COL6A6: variants seen among roughly 807,000 people sequenced by gnomAD.
The protein encoded by COL6A6 is collagen type VI alpha 6 chain.
COL6A6 carries 183 observed loss-of-function variants against 208.6 expected under a neutral mutation model. The ratio of observed to expected loss-of-function variants is 0.88; its 90% CI spans 0.78 to 0.99. COL6A6 has a LOEUF of 0.99. Among genes scored for constraint, COL6A6 ranks in the 50% least tolerant of loss-of-function variants. COL6A6 has a pLI of 0.00. For synonymous variants in COL6A6, 973 were observed against 1,011.8 expected, an observed-to-expected ratio of 0.96 and a Z score of 0.73; for missense variants, 2,816 against 2,815.2, an observed-to-expected ratio of 1.00 and a Z score of -0.01.
chr3:130,593,108 A>G lies in COL6A6; in HGVS notation c.4416+3A>G, dbSNP rs750268868. ...TTGACGGATTAAACGGAGAACAGGTAGAGCCTTCTTGTACCATAGAGACCC... is the reference window on the plus strand; with the variant it reads ...TTGACGGATTAAACGGAGAACAGGTGGAGCCTTCTTGTACCATAGAGACCC... On this transcript the variant is annotated splice_donor_region_variant and intron_variant, in intron 16 of 36. Transcript: ENST00000358511. The G allele has an allele frequency of 6.2e-7, 1 of 1,613,524 alleles. No individual in the cohort carries two copies.
intron 1 of COL6A6, among the ~76,000 whole-genome samples, chr3:130,522,718 C>T (rs763301586): frequency 1.4e-4 from 21 of 152,076 alleles, no homozygotes; most frequent in Non-Finnish European, 2.5e-4. Context: ...ACCCAGTGGC[C>T]CCATCAGAAA....
intron 36 of COL6A6, among the ~76,000 whole-genome samples, chr3:130,672,062 A>T (rs866038532): frequency 1.3e-4 from 20 of 152,240 alleles, no homozygotes; most frequent in Admixed American, 6.5e-5. Flanking sequence ...TGGGCACACC[A>T]AATGTAAAAG....
At chr3:130,606,898 A>T (rs758012166) in intron 20 of COL6A6, 33 bp from the exon 21 acceptor site, 3 of 1,586,096 alleles carry the variant, frequency 1.9e-6, no homozygotes, top group Non-Finnish European at 2.6e-6. Context: ...ATTTTTTCTG[A>T]ATTAATGATA....
chr3:130,542,330 AT>A (rs2062388643), intron 1 of COL6A6, among the ~76,000 whole-genome samples: 1 of 150,542 alleles, frequency 6.6e-6, no homozygotes, highest in South Asian at 2.1e-4. Flanking sequence ...GTGTTTTGGT[AT>A]TTTTCCAGCT....
At chr3:130,562,187 CAGTT>C (rs905717312) in intron 2 of COL6A6, among the ~76,000 whole-genome samples, 9 of 152,278 alleles carry the variant, frequency 5.9e-5, no homozygotes, top group Middle Eastern at 3.4e-3. Context: ...TACTAAACAA[CAGTT>C]AGTGTTTGAA....
rs1211899945 is a variant in COL6A6 at position 130,603,890 on chromosome 3, C to T, written c.4654-3041C>T. On this transcript the variant is annotated intron_variant, in intron 20 of 36. Transcript: ENST00000358511. The stretch of plus-strand genomic sequence containing the variant: ...CCCTGTAAACAACCAGAAAGCCAGG[C>T]TTTGGGGGAATGAAGGACTGAGTAC... Among the ~76,000 whole-genome samples, 4 of 152,114 alleles carry T rather than the reference C, an allele frequency of 2.6e-5. No individual in the cohort carries two copies. In the South Asian group the frequency reaches 6.2e-4, roughly 24 times the overall value.
chr3:130,628,405 CATTT>C (rs1269402976), intron 26 of COL6A6, among the ~76,000 whole-genome samples: 7 of 152,070 alleles, frequency 4.6e-5, no homozygotes, highest in Admixed American at 2.0e-4. Flanking sequence ...CTCAGAAAAA[CATTT>C]ATCCCAATTG....
rs2063037072 is a variant in COL6A6 at position 130,566,823 on chromosome 3, T to G, written c.1404T>G (p.Ile468Met). 1 of 1,613,988 alleles carries G rather than the reference T, an allele frequency of 6.2e-7. No individual in the cohort carries two copies. Among genetic ancestry groups the G allele is most frequent in the East Asian group, 2.2e-5 (1 of 44,890 alleles). The stretch of plus-strand genomic sequence containing the variant: ...CAGAGGTGGTAGGGATGTTCAACAT[T>G]GCTCCCCATAAGGTGCGGGTTGGGG... ...FLSEVVGMFN[I>M]APHKVRVGAV... Residue 468 changes from isoleucine (I) to methionine (M), a missense_variant, in exon 5 of 37, where the codon ATT becomes ATG. Physicochemically the swap from Ile to Met is conservative, Grantham distance 10. Transcript: ENST00000358511.
chr3:130,526,255 T>C (rs1291722329), intron 1 of COL6A6, among the ~76,000 whole-genome samples: 1 of 152,060 alleles, frequency 6.6e-6, no homozygotes, highest in African/African-American at 2.4e-5. Flanking sequence ...GAGGAGAATA[T>C]GAGTCCCTCT....
intron 18 of COL6A6, among the ~76,000 whole-genome samples, chr3:130,598,158 C>T (rs7647904): frequency 0.29 from 44,101 of 151,980 alleles, 10,514 homozygotes; most frequent in African/African-American, 0.66. Context: ...ACACACATGC[C>T]TTAGGTCTCC....
At chr3:130,562,945 G>T (rs1031130076) in intron 2 of COL6A6, 123 bp from the exon 3 acceptor site, 5 of 645,516 alleles carry the variant, frequency 7.7e-6, no homozygotes, top group South Asian at 2.6e-5. Context: ...TATTATTTTC[G>T]GTTTATTGGG....
chr3:130,564,328 C>G (rs976439371), intron 3 of COL6A6, among the ~76,000 whole-genome samples: 5 of 152,174 alleles, frequency 3.3e-5, no homozygotes, highest in African/African-American at 1.2e-4. Context: ...TTGTACTACT[C>G]TAGTAACAAG....
In COL6A6 at chr3:130,593,088, G is replaced by A. The variant is rs546403459; in HGVS notation, c.4399G>A (p.Gly1467Arg). ...AGAAGTTGGGGAAAATGGAATTGAC[G>A]GATTAAACGGAGAACAGGTAGAGCC... is the stretch of plus-strand genomic sequence containing the variant. ...EGEVGENGID[G>R]LNGEQGDNGL... The change falls in exon 16 of 37, where the codon GGA becomes AGA. Residue 1467 changes from glycine (G) to arginine (R), a missense_variant. Physicochemically the swap from Gly to Arg is moderately radical, Grantham distance 125 (BLOSUM62 -2). Transcript: ENST00000358511. 18 of 1,613,570 alleles carry A rather than the reference G, an allele frequency of 1.1e-5. No individual in the cohort carries two copies. Among genetic ancestry groups the A allele is most frequent in the South Asian group, 6.6e-5 (6 of 91,066 alleles).
intron 1 of COL6A6, among the ~76,000 whole-genome samples, chr3:130,518,340 A>G (rs1373972032): frequency 3.3e-5 from 5 of 152,206 alleles, no homozygotes; most frequent in African/African-American, 1.2e-4. Flanking sequence ...TTCTAAACTA[A>G]TCTATTTAAT....
chr3:130,573,717 C>T (rs1011824223), intron 7 of COL6A6, among the ~76,000 whole-genome samples: 8 of 151,914 alleles, frequency 5.3e-5, no homozygotes, highest in Non-Finnish European at 1.2e-4. Context: ...CAGGCAGCCA[C>T]TACCACACCC....
At position 130,565,124 on chromosome 3, in the gene COL6A6, T is replaced by C; in HGVS notation, c.792T>C (p.Asn264=). ...TATCTGCCCTTGACATAAAGGAAAA[T>C]TGCATGAGGGTTGGCCTTGTGGCCT... ...ESVSALDIKE[N]CMRVGLVAYS... The change falls in exon 4 of 37, where the codon AAT becomes AAC. Residue 264 remains asparagine, a synonymous_variant. Transcript: ENST00000358511. 1 of 1,613,824 alleles carries C rather than the reference T, an allele frequency of 6.2e-7. No homozygotes were observed. The highest frequency in any genetic ancestry group is 1.3e-5 in the African/African-American group (1 of 74,984).
At chr3:130,626,574 C>CT in intron 25 of COL6A6, 27 bp downstream of exon 25, 2 of 1,561,408 alleles carry the variant, frequency 1.3e-6, no homozygotes, top group African/African-American at 1.4e-5. Context: ...TAGTTTTGAT[C>CT]GGATTCTTGG....
At chr3:130,601,406 A>G (rs1239456867) in intron 20 of COL6A6, among the ~76,000 whole-genome samples, 1 of 152,240 alleles carries the variant, frequency 6.6e-6, no homozygotes, top group Non-Finnish European at 1.5e-5. Context: ...TAAAATATGC[A>G]GAATTTGATT....
chr3:130,526,801 T>G (rs939609777), intron 1 of COL6A6, among the ~76,000 whole-genome samples: 7 of 150,740 alleles, frequency 4.6e-5, no homozygotes, highest in Non-Finnish European at 1.0e-4. Context: ...AAGGACTATA[T>G]GCTCCATGAG....
Sources: gnomAD v4.1 joint callset for allele counts (sites outside exome capture counted in the v4.1 genomes callset) on GRCh38, gnomAD v4.1.1 for gene constraint, MANE v1.5 for transcripts, NCBI Gene and HGNC (gene_info 2026-07-23, HGNC 2026-07-21) for gene names.